The following CBLN2 variants were observed in gnomAD, a reference collection of about 807,000 sequenced individuals.
CBLN2 encodes cerebellin-2.
A neutral mutation model predicts 15.0 loss-of-function variants in CBLN2; 7 were observed. The ratio of observed to expected loss-of-function variants is 0.47; its 90% CI spans 0.27 to 0.88. The LOEUF (loss-of-function observed/expected upper bound fraction) is 0.88. Ranked by LOEUF, CBLN2 falls within the 40% of genes least tolerant of loss-of-function variation. The probability of loss-of-function intolerance (pLI) is 0.14; values close to 1 mark genes in which losing one functional copy is unlikely to be tolerated. For synonymous variants in CBLN2, 149 were observed against 135.2 expected, an observed-to-expected ratio of 1.10 and a Z score of -0.71; for missense variants, 242 against 304.5, an observed-to-expected ratio of 0.79 and a Z score of 1.53.
At chr18:72,614,890 T>C (rs923501775) in intron 1 of CBLN2, among the ~76,000 whole-genome samples, 4 of 151,254 alleles carry the variant, frequency 2.6e-5, no homozygotes, top group Non-Finnish European at 5.9e-5. Flanking sequence ...AAAGACTTCA[T>C]TTAAATTAAC....
At chr18:72,539,664 T>C (rs1316300685) in intron 3 of CBLN2, 1 of 152,116 alleles carries the variant, frequency 6.6e-6, no homozygotes, top group Non-Finnish European at 1.5e-5. Flanking sequence ...GGGGTGAGTG[T>C]TTCATAAGCA....
At chr18:72,635,473 G>A (rs904083172) in intron 1 of CBLN2, among the ~76,000 whole-genome samples, 4 of 152,078 alleles carry the variant, frequency 2.6e-5, no homozygotes, top group East Asian at 1.9e-4. Context: ...GTAAATCTAC[G>A]ACTTCAGCAC....
chr18:72,638,368 T>G (rs1333011077), exon 1 of CBLN2: 6 of 398,422 alleles, frequency 1.5e-5, no homozygotes, highest in Non-Finnish European at 2.7e-5. Flanking sequence ...TGAAAATATG[T>G]CCCAGCAGAT....
At chr18:72,608,908 G>T (rs2069602298) in intron 1 of CBLN2, among the ~76,000 whole-genome samples, 1 of 152,226 alleles carries the variant, frequency 6.6e-6, no homozygotes, top group Admixed American at 6.5e-5. Context: ...AAGGGAGCTT[G>T]TGCAGGGGAA....
intron 1 of CBLN2, among the ~76,000 whole-genome samples, chr18:72,577,227 A>G (rs892072683): frequency 2.6e-5 from 4 of 151,494 alleles, no homozygotes; most frequent in Non-Finnish European, 4.4e-5. Flanking sequence ...TATGTTAACA[A>G]TGGTTATCTG....
At chr18:72,624,656 C>T (rs2069722928) in intron 1 of CBLN2, among the ~76,000 whole-genome samples, 1 of 152,036 alleles carries the variant, frequency 6.6e-6, no homozygotes, top group Non-Finnish European at 1.5e-5. Context: ...AACCAAAAAC[C>T]TATCATCTTA....
At chr18:72,568,220 G>C (rs896126716) in intron 1 of CBLN2, among the ~76,000 whole-genome samples, 1 of 152,156 alleles carries the variant, frequency 6.6e-6, no homozygotes, top group Non-Finnish European at 1.5e-5. Flanking sequence ...GGGTTAAAAC[G>C]AATGACCTCT....
rs141048078 is a variant in CBLN2 at position 72,568,237 on chromosome 18, T to C, written c.16-29465A>G. Among the ~76,000 whole-genome samples the C allele has an allele frequency of 4.6e-3, 698 of 152,284 alleles. 23 individuals are homozygous for C. Among genetic ancestry groups the C allele is most frequent in the Admixed American group, 0.043 (662 of 15,290 alleles). ...GTTAAAACGAATGACCTCTCTATAC[T>C]CTAACAGGGTAATTCTCAAACTTTG... On this transcript the variant is annotated intron_variant, in intron 1 of 2. Coordinates refer to the CBLN2 transcript ENST00000581073.
At chr18:72,548,164 C>T (rs908816665), upstream of CBLN2, among the ~76,000 whole-genome samples, 2 of 152,146 alleles carry the variant, frequency 1.3e-5, no homozygotes, top group African/African-American at 2.4e-5. Flanking sequence ...ACCATCTCCT[C>T]AGTGCGTGCC....
At chr18:72,596,572 A>G (rs572550233) in intron 1 of CBLN2, among the ~76,000 whole-genome samples, 2 of 152,214 alleles carry the variant, frequency 1.3e-5, no homozygotes, top group Admixed American at 6.5e-5. Context: ...CAGATTGAAG[A>G]ATTTCTTTTA....
intron 1 of CBLN2, chr18:72,618,867 C>T (rs1411077095): frequency 1.4e-6 from 1 of 729,130 alleles, no homozygotes; most frequent in East Asian, 2.6e-5. Flanking sequence ...GTTCTGGAAG[C>T]TTTAGCGGTG....
intron 1 of CBLN2, among the ~76,000 whole-genome samples, chr18:72,586,167 C>T (rs78417837): frequency 0.057 from 8,660 of 152,264 alleles, 254 homozygotes; most frequent in East Asian, 0.094. Context: ...AGCATGCAGC[C>T]CTGGCCATGC....
chr18:72,607,695 T>C (rs200227682), intron 1 of CBLN2, among the ~76,000 whole-genome samples: 3 of 115,106 alleles, frequency 2.6e-5, no homozygotes, highest in South Asian at 3.1e-4. Flanking sequence ...CTCTCTCTCT[T>C]TCTCTCTTTC....
intron 1 of CBLN2, among the ~76,000 whole-genome samples, chr18:72,567,800 C>A (rs1421596109): frequency 6.6e-6 from 1 of 152,118 alleles, no homozygotes; most frequent in Non-Finnish European, 1.5e-5. Flanking sequence ...CACATCAGAC[C>A]CCTCAAGAAG....
At chr18:72,566,513 A>G (rs2069296051) in intron 1 of CBLN2, among the ~76,000 whole-genome samples, 1 of 152,232 alleles carries the variant, frequency 6.6e-6, no homozygotes, top group African/African-American at 2.4e-5. Flanking sequence ...GACAACATGG[A>G]TAAGCCTAGA....
intron 1 of CBLN2, among the ~76,000 whole-genome samples, chr18:72,605,934 C>T (rs1342090025): frequency 2.6e-5 from 4 of 152,060 alleles, no homozygotes; most frequent in African/African-American, 7.2e-5. Context: ...TGACTGTACC[C>T]TAAATATATT....
chr18:72,575,112 G>T (rs1307342728), intron 1 of CBLN2, among the ~76,000 whole-genome samples: 4 of 152,180 alleles, frequency 2.6e-5, no homozygotes, highest in Non-Finnish European at 4.4e-5. Flanking sequence ...CTGGGAGGGT[G>T]CAAGTACGGT....
At chr18:72,630,416 C>G (rs1456516404) in intron 1 of CBLN2, among the ~76,000 whole-genome samples, 1 of 151,922 alleles carries the variant, frequency 6.6e-6, no homozygotes, top group Non-Finnish European at 1.5e-5. Flanking sequence ...TTTAATCTCT[C>G]TAGCACACTG....
At chr18:72,557,211 A>T (rs1026337757) in intron 1 of CBLN2, among the ~76,000 whole-genome samples, 7 of 152,072 alleles carry the variant, frequency 4.6e-5, no homozygotes, top group African/African-American at 1.7e-4. Flanking sequence ...CATAAAATGA[A>T]CTCAAACTGA....
Sources: allele counts gnomAD v4.1 joint callset (sites outside exome capture counted in the v4.1 genomes callset), GRCh38; gene constraint gnomAD v4.1.1; transcripts MANE v1.5; gene names NCBI Gene and HGNC (gene_info 2026-07-23, HGNC 2026-07-21).